The following SLC24A3 variants were observed in gnomAD, a reference collection of about 807,000 sequenced individuals.
The protein encoded by SLC24A3 is solute carrier family 24 member 3, also known as sodium/potassium/calcium exchanger 3.
SLC24A3 carries 28 observed loss-of-function variants against 75.8 expected under a neutral mutation model. The ratio of observed to expected loss-of-function variants is 0.37; its 90% CI spans 0.27 to 0.51. The LOEUF (loss-of-function observed/expected upper bound fraction) is 0.51. Among genes scored for constraint, SLC24A3 ranks in the 20% least tolerant of loss-of-function variants. SLC24A3 has a pLI of 0.94. For synonymous variants in SLC24A3, 372 were observed against 334.1 expected, an observed-to-expected ratio of 1.11 and a Z score of -1.24; for missense variants, 663 against 847.8, an observed-to-expected ratio of 0.78 and a Z score of 2.71.
intron 1 of SLC24A3, among the ~76,000 whole-genome samples, chr20:19,241,914 C>T (rs1034599409): frequency 1.4e-4 from 22 of 152,138 alleles, no homozygotes; most frequent in Non-Finnish European, 3.2e-4. Flanking sequence ...ATGTCGAGGG[C>T]TGTAGAAATG....
intron 1 of SLC24A3, among the ~76,000 whole-genome samples, chr20:19,269,065 G>T (rs529017700): frequency 6.6e-6 from 1 of 152,310 alleles, no homozygotes; most frequent in East Asian, 1.9e-4. Flanking sequence ...TATGGGATAA[G>T]GCCAGTCCTT....
intron 3 of SLC24A3, among the ~76,000 whole-genome samples, chr20:19,536,298 A>AG (rs1382695641): frequency 1.3e-5 from 2 of 152,178 alleles, no homozygotes; most frequent in African/African-American, 4.8e-5. Context: ...TTTTTTAGCA[A>AG]GTGCAAGCAA....
chr20:19,647,209 C>T (rs1386043385), intron 6 of SLC24A3, among the ~76,000 whole-genome samples: 1 of 152,134 alleles, frequency 6.6e-6, no homozygotes, highest in Non-Finnish European at 1.5e-5. Flanking sequence ...AGGATGGAGT[C>T]CCAGTTGCCC....
At chr20:19,668,381 TTC>T (rs1305411999) in intron 8 of SLC24A3, among the ~76,000 whole-genome samples, 1 of 152,220 alleles carries the variant, frequency 6.6e-6, no homozygotes, top group East Asian at 1.9e-4. Flanking sequence ...AGGTGCTGAT[TTC>T]TCTCTTTAAA....
intron 2 of SLC24A3, among the ~76,000 whole-genome samples, chr20:19,428,584 T>C (rs1987051523): frequency 6.6e-6 from 1 of 152,228 alleles, no homozygotes. Context: ...CAAAGTAAGC[T>C]ACAGTGTAAT....
At chr20:19,359,690 A>G (rs1272473916) in intron 2 of SLC24A3, among the ~76,000 whole-genome samples, 1 of 152,210 alleles carries the variant, frequency 6.6e-6, no homozygotes, top group Non-Finnish European at 1.5e-5. Flanking sequence ...CAGTCTACAG[A>G]GAAAAATATG....
At chr20:19,685,773 T>C (rs751197310) in intron 12 of SLC24A3, among the ~76,000 whole-genome samples, 128 of 152,208 alleles carry the variant, frequency 8.4e-4, no homozygotes, top group Non-Finnish European at 1.6e-3. Flanking sequence ...ATTGGGGATT[T>C]ATATAGCAGG....
intron 4 of SLC24A3, among the ~76,000 whole-genome samples, chr20:19,582,831 C>G (rs1424435975): frequency 1.3e-5 from 2 of 152,124 alleles, no homozygotes; most frequent in African/African-American, 4.8e-5. Context: ...AGTGGAAGGG[C>G]CTGGCATCCC....
intron 3 of SLC24A3, among the ~76,000 whole-genome samples, chr20:19,546,269 A>G (rs1363327513): frequency 6.6e-6 from 1 of 151,068 alleles, no homozygotes; most frequent in African/African-American, 2.4e-5. Context: ...TTGATGCTAT[A>G]ATGAGTCTTC....
chr20:19,594,921 C>T (rs181299329), intron 6 of SLC24A3, among the ~76,000 whole-genome samples: 161 of 152,122 alleles, frequency 1.1e-3, no homozygotes, highest in African/African-American at 3.7e-3. Context: ...AGCATAGTGC[C>T]GTGAAAAAAT....
intron 7 of SLC24A3, among the ~76,000 whole-genome samples, chr20:19,661,342 T>C (rs1249616851): frequency 6.6e-6 from 1 of 152,182 alleles, no homozygotes; most frequent in Non-Finnish European, 1.5e-5. Flanking sequence ...GAATTTCTGC[T>C]TAACTTTGAA....
At chr20:19,370,266 T>C (rs1985969579) in intron 2 of SLC24A3, among the ~76,000 whole-genome samples, 1 of 152,256 alleles carries the variant, frequency 6.6e-6, no homozygotes, top group South Asian at 2.1e-4. Flanking sequence ...TCACACATCA[T>C]TTCCTTCATA....
intron 7 of SLC24A3, among the ~76,000 whole-genome samples, chr20:19,664,476 G>A (rs566294154): frequency 6.6e-6 from 1 of 152,348 alleles, no homozygotes; most frequent in African/African-American, 2.4e-5. Context: ...TTACAAATGA[G>A]CACAGCTCCT....
chr20:19,571,897 C>T (rs2031057346), intron 3 of SLC24A3, among the ~76,000 whole-genome samples: 1 of 152,174 alleles, frequency 6.6e-6, no homozygotes, highest in African/African-American at 2.4e-5. Flanking sequence ...TCTTCCTTAA[C>T]TCACTCCCCT....
chr20:19,666,883 G>A (rs2424244), intron 8 of SLC24A3, among the ~76,000 whole-genome samples: 67,302 of 152,100 alleles, frequency 0.44, 17,426 homozygotes, highest in African/African-American at 0.73. Flanking sequence ...AGCAAATCAA[G>A]CATGTTTGAA....
At chr20:19,222,788 C>CCTTCCTTCCTTCCTTA (rs1981758008) in intron 1 of SLC24A3, among the ~76,000 whole-genome samples, 1 of 125,934 alleles carries the variant, frequency 7.9e-6, no homozygotes, top group African/African-American at 3.1e-5. Flanking sequence ...TCCCTCCCTT[C>CCTTCCTTCCTTCCTTA]CTTCCTTCCT....
chr20:19,620,797 C>T (rs2031793343), intron 6 of SLC24A3, among the ~76,000 whole-genome samples: 1 of 152,148 alleles, frequency 6.6e-6, no homozygotes, highest in Non-Finnish European at 1.5e-5. Flanking sequence ...TAACTCTGGC[C>T]TCATTTGCAG....
intron 15 of SLC24A3, among the ~76,000 whole-genome samples, chr20:19,710,548 G>A (rs2032976700): frequency 6.6e-6 from 1 of 152,216 alleles, no homozygotes; most frequent in Admixed American, 6.5e-5. Flanking sequence ...AATCTGAGAT[G>A]TGCCTCACAT....
intron 6 of SLC24A3, among the ~76,000 whole-genome samples, chr20:19,645,203 C>T (rs2032122617): frequency 6.6e-6 from 1 of 152,048 alleles, no homozygotes; most frequent in Admixed American, 6.6e-5. Flanking sequence ...AATCAGTTTC[C>T]TAGTGATTCT....
Sources: allele counts gnomAD v4.1 joint callset (sites outside exome capture counted in the v4.1 genomes callset), GRCh38; gene constraint gnomAD v4.1.1; transcripts MANE v1.5; gene names NCBI Gene and HGNC (gene_info 2026-07-23, HGNC 2026-07-21).